The following TMEM67 variants were observed in gnomAD, a reference collection of about 807,000 sequenced individuals.
The protein encoded by TMEM67 is meckelin.
A neutral mutation model predicts 136.6 loss-of-function variants in TMEM67; 124 were observed. That is an observed-to-expected ratio of 0.91 (90% CI 0.78 to 1.05). The LOEUF is 1.05. Ranked by LOEUF, TMEM67 falls within the 50% of genes least tolerant of loss-of-function variation. The pLI is 0.00. For synonymous variants in TMEM67, 364 were observed against 390.5 expected, an observed-to-expected ratio of 0.93 and a Z score of 0.80; for missense variants, 1,107 against 1,178.4, an observed-to-expected ratio of 0.94 and a Z score of 0.89.
At chr8:93,770,787 T>A (rs1163726110) in intron 6 of TMEM67, among the ~76,000 whole-genome samples, 1 of 151,926 alleles carries the variant, frequency 6.6e-6, no homozygotes, top group Non-Finnish European at 1.5e-5. Context: ...GGCTGAGGCA[T>A]GTAGATCACC....
intron 23 of TMEM67, among the ~76,000 whole-genome samples, chr8:93,808,552 CTATAA>C (rs1171083582): frequency 3.2e-3 from 30 of 9,378 alleles, no homozygotes; most frequent in Non-Finnish European, 4.6e-3. Context: ...CTATATATAT[CTATAA>C]TATATCTATT....
At chr8:93,818,940 A>G (rs1187238107), downstream of TMEM67, 1 of 374,534 alleles carries the variant, frequency 2.7e-6, no homozygotes, top group Non-Finnish European at 5.1e-6. Flanking sequence ...TAGCTGGAAC[A>G]ACAGGTGTGC....
intron 9 of TMEM67, among the ~76,000 whole-genome samples, chr8:93,781,455 A>G (rs905622365): frequency 2.0e-5 from 3 of 152,220 alleles, no homozygotes; most frequent in African/African-American, 7.2e-5. Context: ...TCTCAATTCT[A>G]GAATAATAAT....
At chr8:93,832,469 C>T in the TMEM67 span, among the ~76,000 whole-genome samples, 5 of 152,110 alleles carry the variant, frequency 3.3e-5, no homozygotes, top group Admixed American at 2.0e-4. Flanking sequence ...TTGGAGAGAT[C>T]ACCTTCTATA....
At position 93,780,879 on chromosome 8, in the gene TMEM67, A is replaced by G. The variant is rs567637417; in HGVS notation, c.875A>G (p.Gln292Arg). 2 of 1,610,786 alleles carry G rather than the reference A, an allele frequency of 1.2e-6. No individual in the cohort carries two copies. The highest frequency in any genetic ancestry group is 2.7e-5 in the African/African-American group (2 of 74,984). ...ACAGTTGTAACTGTTTATAGGAGAC[A>G]GAATCTTCCTTGGCTGTTTTATGGA... ...STVHSISFWR[Q>R]NLPWLFYGDQ... Residue 292 changes from glutamine to arginine, a missense_variant, in exon 9 of 28, where the codon CAG (glutamine) becomes CGG (arginine). Gln to Arg is a conservative substitution (Grantham distance 43, BLOSUM62 1). Transcript: ENST00000453321.
intron 3 of TMEM67, among the ~76,000 whole-genome samples, chr8:93,761,076 G>A (rs1586341571): frequency 6.6e-6 from 1 of 152,152 alleles, no homozygotes; most frequent in Admixed American, 6.6e-5. Context: ...TTGGGAGGCC[G>A]AGGCAGGTGG....
At chr8:93,783,972 T>C (rs1208046798) in intron 11 of TMEM67, among the ~76,000 whole-genome samples, 1 of 152,104 alleles carries the variant, frequency 6.6e-6, no homozygotes, top group African/African-American at 2.4e-5. Flanking sequence ...CCAAACCATA[T>C]CAATTCATTA....
intron 26 of TMEM67, among the ~76,000 whole-genome samples, chr8:93,813,791 G>A (rs928436208): frequency 4.6e-5 from 7 of 152,154 alleles, no homozygotes; most frequent in African/African-American, 1.7e-4. Flanking sequence ...GTAGGAGAAA[G>A]TAGAAGCACA....
chr8:93,814,115 G>T (rs1350702120), intron 26 of TMEM67, among the ~76,000 whole-genome samples: 2 of 147,230 alleles, frequency 1.4e-5, no homozygotes, highest in African/African-American at 5.0e-5. Context: ...TTAATTGTTT[G>T]CAAGAGTTGT....
At chr8:93,795,350 C>CTA (rs1814560952) in intron 16 of TMEM67, 59 bp from the exon 17 acceptor site, 1 of 1,348,568 alleles carries the variant, frequency 7.4e-7, no homozygotes, top group Admixed American at 1.7e-5. Flanking sequence ...GGTAGTGTTA[C>CTA]TAAAAGTGGT....
chr8:93,767,527 A>T (rs1813129438), intron 6 of TMEM67, among the ~76,000 whole-genome samples: 1 of 152,204 alleles, frequency 6.6e-6, no homozygotes, highest in Non-Finnish European at 1.5e-5. Context: ...CATATTTATT[A>T]ATTGACATTC....
At chr8:93,831,674 GTGTGTGTGTGCA>G in the TMEM67 span, among the ~76,000 whole-genome samples, 4 of 151,056 alleles carry the variant, frequency 2.6e-5, no homozygotes, top group African/African-American at 9.7e-5. Flanking sequence ...GCATGTGCTT[GTGTGTGTGTGCA>G]TGTGTGTGTG....
At chr8:93,769,324 A>T (rs1206145632) in intron 6 of TMEM67, among the ~76,000 whole-genome samples, 1 of 152,236 alleles carries the variant, frequency 6.6e-6, no homozygotes, top group African/African-American at 2.4e-5. Context: ...GGAGGAAGCG[A>T]GGTCAGCCGG....
chr8:93,781,881 G>T (rs1228432291), intron 10 of TMEM67, 137 bp downstream of exon 10: 1 of 528,930 alleles, frequency 1.9e-6, no homozygotes. Context: ...CTTTAAATTA[G>T]ACTTTCTTAA....
At chr8:93,796,975 T>C (rs1468574208) in intron 18 of TMEM67, among the ~76,000 whole-genome samples, 159 bp from the exon 19 acceptor site, 1 of 152,228 alleles carries the variant, frequency 6.6e-6, no homozygotes, top group Non-Finnish European at 1.5e-5. Context: ...CTGATGAGCT[T>C]CTAATGATTC....
intron 16 of TMEM67, among the ~76,000 whole-genome samples, chr8:93,794,343 G>T (rs985232424): frequency 3.3e-5 from 5 of 151,992 alleles, no homozygotes; most frequent in Admixed American, 6.6e-5. Flanking sequence ...TCACTTCATG[G>T]TTAACCTTTT....
At chr8:93,809,027 C>T (rs756512749) in intron 24 of TMEM67, 30 bp from the exon 25 acceptor site, 26 of 1,540,420 alleles carry the variant, frequency 1.7e-5, no homozygotes, top group Non-Finnish European at 2.3e-5. Flanking sequence ...GAACATAACA[C>T]TTTGTATTCA....
intron 2 of TMEM67, chr8:93,756,412 T>C (rs974225154): frequency 2.0e-5 from 3 of 152,272 alleles, no homozygotes; most frequent in Non-Finnish European, 4.4e-5. Context: ...AGTTACTATA[T>C]ATAATTCTCA....
chr8:93,785,335 G>T lies in TMEM67; in HGVS notation c.1245G>T (p.Val415=). ...NQHQYILAVP[V]LNLNLQHNKI... The stretch of plus-strand genomic sequence containing the variant: ...ATCAATATATTTTGGCTGTGCCTGT[G>T]TTAAACCTAAATCTTCAACATAATA... Residue 415 remains valine, a synonymous_variant, in exon 12 of 28, where the codon GTG becomes GTT. Transcript: ENST00000453321. 1 of 1,612,238 alleles carries T rather than the reference G, an allele frequency of 6.2e-7. No homozygotes were observed. The highest frequency in any genetic ancestry group is 8.5e-7 in the Non-Finnish European group (1 of 1,178,842).
Sources: gnomAD v4.1 joint callset for allele counts (sites outside exome capture counted in the v4.1 genomes callset) on GRCh38, gnomAD v4.1.1 for gene constraint, MANE v1.5 for transcripts, NCBI Gene and HGNC (gene_info 2026-07-23, HGNC 2026-07-21) for gene names.